IFT80: variants seen among roughly 807,000 people sequenced by gnomAD.
The protein encoded by IFT80 is intraflagellar transport protein 80 homolog.
In IFT80, 79 loss-of-function variants were observed where a neutral mutation model predicts 107.9. The ratio of observed to expected loss-of-function variants is 0.73; its 90% CI spans 0.61 to 0.88. IFT80 has a LOEUF of 0.88. IFT80 is among the 40% of genes least tolerant of loss of function. IFT80 has a pLI of 0.00. For synonymous variants in IFT80, 299 were observed against 300.9 expected (o/e 0.99, Z 0.07); for missense variants, 797 against 914.2 (o/e 0.87, Z 1.65).
At chr3:160,269,804 T>C (rs1221459883) in intron 18 of IFT80, among the ~76,000 whole-genome samples, 2 of 152,196 alleles carry the variant, frequency 1.3e-5, no homozygotes, top group African/African-American at 4.8e-5. Flanking sequence ...ACAGTCATCA[T>C]AATAGTCAAA....
At chr3:160,392,147 T>G (rs1279270685) in intron 1 of IFT80, among the ~76,000 whole-genome samples, 2 of 152,214 alleles carry the variant, frequency 1.3e-5, no homozygotes, top group African/African-American at 4.8e-5. Context: ...GGCATTTACT[T>G]CACTAGCAGT....
chr3:160,338,974 C>CTA (rs1719690624), intron 8 of IFT80, among the ~76,000 whole-genome samples: 1 of 152,262 alleles, frequency 6.6e-6, no homozygotes, highest in Non-Finnish European at 1.5e-5. Context: ...AGCAAGTTTA[C>CTA]TATTATGTGC....
intron 8 of IFT80, among the ~76,000 whole-genome samples, chr3:160,320,786 G>C (rs1219401324): frequency 6.6e-5 from 10 of 151,196 alleles, no homozygotes; most frequent in Non-Finnish European, 4.4e-5. Flanking sequence ...TTGTTTGTTT[G>C]TTTGTTTTAC....
rs566029039 is a variant in IFT80, at chr3:160,374,769, G to A, written c.439+1043C>T. 3.2e-4 allele frequency among the ~76,000 whole-genome samples: 48 copies of A among 152,234 alleles called. 1 individual carries two copies. In the South Asian group the frequency reaches 9.7e-3, roughly 31 times the overall value. ...ACTAGGAGATTAAAGTAAGATTTAT[G>A]TTCTAAAGGTACATTTATTACTAAA... On this transcript the variant is annotated intron_variant, in intron 5 of 19. Transcript: ENST00000326448.
Position 160,326,755 on chromosome 3 carries a change from G to A in IFT80, c.778-6816C>T, listed in dbSNP as rs558676584. Reference sequence around the variant, plus strand: ...GCTGGAAGCATTCACCTTGAAAACAGGCACAGGACAAGGATGCCCTCTCTC... The same window carrying A: ...GCTGGAAGCATTCACCTTGAAAACAAGCACAGGACAAGGATGCCCTCTCTC... On this transcript the variant is annotated intron_variant, in intron 8 of 19. Transcript: ENST00000326448. Among the ~76,000 whole-genome samples, 5 of 152,114 alleles carry A rather than the reference G, an allele frequency of 3.3e-5. No individual in the cohort carries two copies. In the East Asian group the frequency reaches 9.6e-4, roughly 29 times the overall value.
At position 160,258,426 on chromosome 3, in the gene IFT80, A is replaced by T; in HGVS notation, c.*99T>A. On this transcript the variant is annotated 3_prime_UTR_variant, in exon 20 of 20. Transcript: ENST00000326448. ...ACACAGCAAGTACTTATACTCGGTT[A>T]AAGATTATGCTTTTTTCTTTAGCAA... The T allele has an allele frequency of 6.9e-7, 1 of 1,458,920 alleles. No individual in the cohort carries two copies. Among genetic ancestry groups the T allele is most frequent in the Non-Finnish European group, 9.5e-7 (1 of 1,055,162 alleles). 90.4% of individuals were successfully genotyped at this position (1,458,920 alleles called of 1,614,324 possible).
At chr3:160,393,772 G>T (rs1298634659) in intron 1 of IFT80, among the ~76,000 whole-genome samples, 3 of 152,178 alleles carry the variant, frequency 2.0e-5, no homozygotes, top group African/African-American at 7.2e-5. Flanking sequence ...GGGAGACCAT[G>T]ACTTGTCAAC....
At chr3:160,313,101 AT>A (rs1032388581) in intron 9 of IFT80, among the ~76,000 whole-genome samples, 5 of 114,624 alleles carry the variant, frequency 4.4e-5, no homozygotes, top group South Asian at 2.3e-4. Flanking sequence ...TTTTATATAT[AT>A]TTTTTATATA....
rs1717065047 is a variant in IFT80, at chr3:160,309,439, C to T, written c.958-1658G>A. Among the ~76,000 whole-genome samples the T allele has an allele frequency of 3.3e-5, 5 of 152,182 alleles. No homozygotes were observed. The South Asian group carries it at 1.0e-3, about 31-fold the overall frequency. ...GGTGTGGTGGCTCACGCCTGTCATC[C>T]TAGCACTTTGGGAGGCCAAGGCAGG... On this transcript the variant is annotated intron_variant, in intron 9 of 19. Transcript: ENST00000326448.
chr3:160,300,580 G>A (rs1209482390), intron 12 of IFT80, among the ~76,000 whole-genome samples: 1 of 152,078 alleles, frequency 6.6e-6, no homozygotes, highest in Non-Finnish European at 1.5e-5. Context: ...TTAATATACA[G>A]TTTTAGGACC....
At chr3:160,385,369 G>A (rs1029136195) in intron 1 of IFT80, among the ~76,000 whole-genome samples, 4 of 152,124 alleles carry the variant, frequency 2.6e-5, no homozygotes, top group East Asian at 1.9e-4. Context: ...GTCTGAGTCC[G>A]ATTTACATTT....
At chr3:160,339,081 G>A (rs1351693474) in intron 8 of IFT80, among the ~76,000 whole-genome samples, 1 of 152,072 alleles carries the variant, frequency 6.6e-6, no homozygotes, top group Non-Finnish European at 1.5e-5. Flanking sequence ...CTATGTTTCT[G>A]GAATATTGAT....
rs754041828 is a variant in IFT80, at chr3:160,356,035, A to G, written c.755T>C (p.Leu252Ser). The G allele has an allele frequency of 8.1e-6, 13 of 1,613,980 alleles. No homozygotes were observed. The highest frequency in any genetic ancestry group is 1.3e-5 in the African/African-American group (1 of 74,940). Residue 252 changes from leucine (L) to serine (S), a missense_variant, in exon 8 of 20, where the codon TTA (leucine) becomes TCA (serine). Leu to Ser is a moderately radical substitution (Grantham distance 145). Transcript: ENST00000326448. ...ELFAVGSFHTLRLCDKTGWSY... is the reference protein window; with the variant it reads ...ELFAVGSFHTSRLCDKTGWSY... ...TACCCCAGTTTTATCACACAAGCGT[A>G]AAGTATGAAACGATCCAACAGCAAA...
chr3:160,303,372 TAG>T (rs1369392155), intron 11 of IFT80, among the ~76,000 whole-genome samples: 1 of 152,190 alleles, frequency 6.6e-6, no homozygotes, highest in Non-Finnish European at 1.5e-5. Context: ...TGGCATTTCT[TAG>T]TCCTGTATAC....
At chr3:160,336,012 A>G (rs1719435920) in intron 8 of IFT80, among the ~76,000 whole-genome samples, 2 of 152,200 alleles carry the variant, frequency 1.3e-5, no homozygotes. Context: ...CTGCCAAATA[A>G]TATTCTATTG....
intron 12 of IFT80, among the ~76,000 whole-genome samples, chr3:160,297,115 A>G (rs536637431): frequency 6.6e-6 from 1 of 152,166 alleles, no homozygotes; most frequent in African/African-American, 2.4e-5. Flanking sequence ...AGTTGTAAAA[A>G]TTGCAGGAGA....
intron 8 of IFT80, among the ~76,000 whole-genome samples, chr3:160,337,818 A>C (rs1719610823): frequency 6.6e-6 from 1 of 151,822 alleles, no homozygotes; most frequent in Non-Finnish European, 1.5e-5. Flanking sequence ...CTTTTCTCTA[A>C]ATTCTTATAG....
chr3:160,286,951 G>C (rs1199579812), intron 12 of IFT80, among the ~76,000 whole-genome samples: 1 of 151,880 alleles, frequency 6.6e-6, no homozygotes, highest in Non-Finnish European at 1.5e-5. Flanking sequence ...TCAGGATAGG[G>C]GCTGATAATC....
intron 2 of IFT80, among the ~76,000 whole-genome samples, chr3:160,381,998 T>C (rs1450357431): frequency 6.6e-6 from 1 of 152,178 alleles, no homozygotes; most frequent in Non-Finnish European, 1.5e-5. Flanking sequence ...ACTTGTGTTA[T>C]ACAATATTCT....
Sources: allele counts gnomAD v4.1 joint callset (sites outside exome capture counted in the v4.1 genomes callset), GRCh38; gene constraint gnomAD v4.1.1; transcripts MANE v1.5; gene names NCBI Gene and HGNC (gene_info 2026-07-23, HGNC 2026-07-21).